Variants in CLK1 observed in about 807,000 individuals in gnomAD.
CLK1 encodes the protein CDC like kinase 1, also known as dual specificity protein kinase CLK1.
CLK1 carries 40 observed loss-of-function variants against 60.9 expected under a neutral mutation model. That is an observed-to-expected ratio of 0.66 (90% CI 0.51 to 0.86). The LOEUF is 0.86. CLK1 is among the 40% of genes least tolerant of loss of function. The probability of loss-of-function intolerance (pLI) is 0.00; values close to 1 mark genes in which losing one functional copy is unlikely to be tolerated. For missense variants in CLK1, 563 were observed against 606.1 expected (o/e 0.93, Z 0.75); for synonymous variants, 203 against 184.4 (o/e 1.10, Z -0.82).
At chr2:200,856,839 G>A in intron 8 of CLK1, 28 bp from the exon 9 acceptor site, 2 of 1,613,252 alleles carry the variant, frequency 1.2e-6, no homozygotes, top group South Asian at 2.2e-5. Flanking sequence ...TGGTTAAGAA[G>A]GCATAAGCTA....
chr2:200,862,567 CTTTG>C (rs1559329190), intron 1 of CLK1, among the ~76,000 whole-genome samples: 1 of 152,204 alleles, frequency 6.6e-6, no homozygotes, highest in Non-Finnish European at 1.5e-5. Flanking sequence ...TCCCACCACC[CTTTG>C]CCGACTCCTT....
Position 200,854,615 on chromosome 2 carries a change from C to T in CLK1, c.1220+1G>A. The stretch of plus-strand genomic sequence containing the variant: ...GGATGTCACTAACTCTTAAAACGTA[C>T]CTGGTTTTCTGTATCATATGTTTTG... On this transcript the variant is annotated splice_donor_variant, in intron 11 of 12. Transcript: ENST00000321356. LOFTEE classifies it high-confidence loss of function. 1 of 1,568,698 alleles carries T rather than the reference C, an allele frequency of 6.4e-7. No homozygotes were observed.
Position 200,853,960 on chromosome 2 carries a change from G to C in CLK1, c.1254C>G (p.Asp418Glu), listed in dbSNP as rs1220573722. ...TGCCGGCAGAACTGTGTTCATCCCA[G>C]TCTAATCGATCGTGGTGAAAATATT... Reference protein sequence around the residue: ...KRKYFHHDRLDWDEHSSAGRY... With the variant: ...KRKYFHHDRLEWDEHSSAGRY... Residue 418 changes from aspartate to glutamate, a missense_variant, in exon 12 of 13, where the codon GAC becomes GAG. Around this residue, in one of 3 missense-constraint regions of CLK1, gnomAD observed 360 missense variants for 407.0 expected, o/e 0.88. Coordinates refer to ENST00000321356, the MANE Select transcript of CLK1 (RefSeq NM_004071.4). 1 of 1,611,142 alleles carries C rather than the reference G, an allele frequency of 6.2e-7. No individual in the cohort carries two copies. The highest frequency in any genetic ancestry group is 2.2e-5 in the East Asian group (1 of 44,496).
chr2:200,860,486 G>GT (rs934096637), intron 3 of CLK1: 2 of 1,143,644 alleles, frequency 1.7e-6, no homozygotes, highest in African/African-American at 3.3e-5. Flanking sequence ...TAATACAATT[G>GT]TTTTTCTTAA....
chr2:200,859,941 CTA>C (rs1461552961), intron 4 of CLK1, 182 bp downstream of exon 4: 27 of 1,428,190 alleles, frequency 1.9e-5, no homozygotes, highest in Non-Finnish European at 2.3e-5. Flanking sequence ...TCTGGAAGTT[CTA>C]TATAACAAAC....
intron 2 of CLK1, 109 bp from the exon 3 acceptor site, chr2:200,861,575 A>C (rs2039139575): frequency 3.8e-6 from 6 of 1,558,460 alleles, no homozygotes; most frequent in Non-Finnish European, 5.2e-6. Context: ...TTTTACAAAC[A>C]TTACAAACCA....
chr2:200,853,481 C>T (rs776453536), intron 12 of CLK1, 32 bp from the exon 13 acceptor site: 2 of 1,586,072 alleles, frequency 1.3e-6, no homozygotes, highest in South Asian at 1.1e-5. Flanking sequence ...ATTCAACAGC[C>T]TTTTCCACTA....
chr2:200,857,697 G>A lies in CLK1; in HGVS notation c.832+21C>T, dbSNP rs372875143. 2.7e-5 allele frequency: 42 copies of A among 1,553,296 alleles called. No individual in the cohort carries two copies. The East Asian group carries it at 6.1e-4, about 23-fold the overall frequency. ...GAATGGATAAAACCAGCAAATTAAC[G>A]AAGATATACCAAGAACTTACAATTC... On this transcript the variant is annotated intron_variant, in intron 7 of 12. Transcript: ENST00000321356.
In CLK1 at chr2:200,855,022, A is replaced by G; in HGVS notation, c.1122T>C (p.Leu374=). Residue 374 remains leucine, a synonymous_variant, in exon 10 of 13, where the codon CTT becomes CTC. Coordinates refer to ENST00000321356, the MANE Select transcript of CLK1 (RefSeq NM_004071.4). ...CACTTACTGGAAATACGGTAAACCC[A>G]AGATAGTATTCAATAAGAATGCATC... The part of the protein sequence containing the change: ...SIGCILIEYY[L]GFTVFPTHDS... 1 of 1,612,872 alleles carries G rather than the reference A, an allele frequency of 6.2e-7. No homozygotes were observed. Among genetic ancestry groups the G allele is most frequent in the Middle Eastern group, 1.7e-4 (1 of 6,054 alleles).
Position 200,853,929 on chromosome 2 carries a change from CAT to C in CLK1, c.1283_1284del (p.Tyr428CysfsTer6). On this transcript the variant is annotated frameshift_variant, in exon 12 of 13. Transcript: ENST00000321356. LOFTEE classifies it high-confidence loss of function. Reference sequence around the variant, plus strand: ...TTCAGAGGTTTACAGCGTCTTGAAACATATCTGCCGGCAGAACTGTGTTCATC... The same window carrying C: ...TTCAGAGGTTTACAGCGTCTTGAAACATCTGCCGGCAGAACTGTGTTCATC... Reference protein sequence around the residue: ...DWDEHSSAGRYVSRRCKPLKE... With the variant: ...DWDEHSSAGRXVSRRCKPLKE... 1 of 1,612,554 alleles carries C rather than the reference CAT, an allele frequency of 6.2e-7. No homozygotes were observed. The highest frequency in any genetic ancestry group is 8.5e-7 in the Non-Finnish European group (1 of 1,179,262).
rs778645895 is a variant in CLK1 at position 200,857,858 on chromosome 2, A to C, written c.692T>G (p.Phe231Cys). ...AATGCAAATGTGACCATGATGCTCA[A>C]ACCATTCCAACATCTGGACACAGCG... is the stretch of plus-strand genomic sequence containing the variant. Reference protein sequence around the residue: ...TFRCVQMLEWFEHHGHICIVF... With the variant: ...TFRCVQMLEWCEHHGHICIVF... The change falls in exon 7 of 13, where the codon TTT (phenylalanine) becomes TGT (cysteine). Residue 231 changes from phenylalanine (F) to cysteine (C), a missense_variant. This residue lies in a region of CLK1 where 360 missense variants were observed against 407.0 expected (regional missense o/e 0.88). Coordinates refer to ENST00000321356, the MANE Select transcript of CLK1 (RefSeq NM_004071.4). The C allele has an allele frequency of 1.2e-6, 2 of 1,613,584 alleles. No individual in the cohort carries two copies. The highest frequency in any genetic ancestry group is 1.7e-6 in the Non-Finnish European group (2 of 1,179,620).
At chr2:200,864,116 C>A (rs2039188108) in intron 1 of CLK1, 1 of 1,550,668 alleles carries the variant, frequency 6.4e-7, no homozygotes, top group Non-Finnish European at 8.7e-7. Flanking sequence ...ACAACGTTTC[C>A]CCACAGCTGC....
intron 7 of CLK1, chr2:200,857,466 G>C: frequency 2.9e-6 from 1 of 344,900 alleles, no homozygotes; most frequent in Non-Finnish European, 5.3e-6. Flanking sequence ...AGCATTCGAA[G>C]TTACTATTTT....
chr2:200,856,897 G>C lies in CLK1; in HGVS notation c.921C>G (p.Pro307=). Residue 307 remains proline, a synonymous_variant, in exon 8 of 13, where the codon CCC becomes CCG. Coordinates refer to ENST00000321356, the MANE Select transcript of CLK1 (RefSeq NM_004071.4). Reference sequence around the variant, plus strand: ...AATATTTTGGAAGACTTACTATTTTGGGATTATACGCCTCTGTGTAGTCAG... The same window carrying C: ...AATATTTTGGAAGACTTACTATTTTCGGATTATACGCCTCTGTGTAGTCAG... ...VQSDYTEAYN[P]KIKRDERTLI... is the part of the protein sequence containing the mutation. The C allele has an allele frequency of 1.2e-6, 2 of 1,614,060 alleles. No individual in the cohort carries two copies. Among genetic ancestry groups the C allele is most frequent in the Non-Finnish European group, 1.7e-6 (2 of 1,179,920 alleles).
At chr2:200,854,048 T>C in intron 11 of CLK1, 55 bp from the exon 12 acceptor site, 2 of 1,172,582 alleles carry the variant, frequency 1.7e-6, no homozygotes, top group Non-Finnish European at 2.5e-6. Flanking sequence ...TTAAAACAGC[T>C]AGCAAAGGTA....
rs745876196 is a variant in CLK1, at chr2:200,855,085, G to C, written c.1059C>G (p.Ala353=). 6.3e-7 allele frequency: 1 copy of C among 1,594,264 alleles called. No homozygotes were observed. Among genetic ancestry groups the C allele is most frequent in the South Asian group, 1.2e-5 (1 of 86,476 alleles). The change falls in exon 10 of 13, where the codon GCC becomes GCG. Residue 353 remains alanine (A), a splice_region_variant and synonymous_variant. Coordinates refer to ENST00000321356, the MANE Select transcript of CLK1 (RefSeq NM_004071.4). ...RHYRAPEVIL[A]LGWSQPCDVW... ...CATCACATGGTTGGGACCACCCTAGGGCTGCAAAGCAAAGCAAAATTTAAG... is the reference window on the plus strand; with the variant it reads ...CATCACATGGTTGGGACCACCCTAGCGCTGCAAAGCAAAGCAAAATTTAAG...
chr2:200,855,566 G>C lies in CLK1; in HGVS notation c.1058-480C>G, dbSNP rs561108881. 3.3e-5 allele frequency among the ~76,000 whole-genome samples: 5 copies of C among 152,012 alleles called. No individual in the cohort carries two copies. The South Asian group carries it at 6.2e-4, about 19-fold the overall frequency. ...AGTGAACCCCATAGGCGGAGCTTGC[G>C]GTGAGCCGAGATCGCGCCACTGCAC... is the stretch of plus-strand genomic sequence containing the variant. On this transcript the variant is annotated intron_variant, in intron 9 of 12. Coordinates refer to ENST00000321356, the MANE Select transcript of CLK1 (RefSeq NM_004071.4).
chr2:200,857,894 C>T lies in CLK1; in HGVS notation c.666-10G>A. Reference sequence around the variant, plus strand: ...CATCTGGACACAGCGGCTACAAACACATGAAAAATAGCTAAGTATAGTTGC... The same window carrying T: ...CATCTGGACACAGCGGCTACAAACATATGAAAAATAGCTAAGTATAGTTGC... On this transcript the variant is annotated splice_polypyrimidine_tract_variant and intron_variant, in intron 6 of 12. Transcript: ENST00000321356. 1 of 1,611,902 alleles carries T rather than the reference C, an allele frequency of 6.2e-7. No individual in the cohort carries two copies. The highest frequency in any genetic ancestry group is 8.5e-7 in the Non-Finnish European group (1 of 1,178,698).
At position 200,859,527 on chromosome 2, in the gene CLK1, G is replaced by T. The variant is rs13416117; in HGVS notation, c.548+153C>A. ...TAGTAGCTGTTTAAAAAATATGAAG[G>T]GGCAAGTACCTCTTAACTGGAAGTG... On this transcript the variant is annotated intron_variant, in intron 5 of 12. Transcript: ENST00000321356. Among the ~76,000 whole-genome samples the T allele has an allele frequency of 7.9e-3, 1,208 of 152,106 alleles. 19 individuals carry two copies. Among genetic ancestry groups the T allele is most frequent in the African/African-American group, 0.028 (1,148 of 41,468 alleles).
Sources: gnomAD v4.1 joint callset for allele counts (sites outside exome capture counted in the v4.1 genomes callset) on GRCh38, gnomAD v4.1.1 for gene constraint, gnomAD v4.1.1 regional missense constraint, MANE v1.5 for transcripts, NCBI Gene and HGNC (gene_info 2026-07-23, HGNC 2026-07-21) for gene names.